HSPG2: variants seen among roughly 807,000 people sequenced by gnomAD.
HSPG2 encodes the protein heparan sulfate proteoglycan 2.
HSPG2 carries 278 observed loss-of-function variants against 526.6 expected under a neutral mutation model. That is an observed-to-expected ratio of 0.53 (90% CI 0.48 to 0.58). The LOEUF is 0.58. Among genes scored for constraint, HSPG2 ranks in the 20% least tolerant of loss-of-function variants. The probability of loss-of-function intolerance (pLI) is 0.00; values close to 1 mark genes in which losing one functional copy is unlikely to be tolerated. For missense variants in HSPG2, 5,354 were observed against 6,099.5 expected, an observed-to-expected ratio of 0.88 and a Z score of 4.07; for synonymous variants, 2,465 against 2,555.4, an observed-to-expected ratio of 0.96 and a Z score of 1.07.
At chr1:21,917,447 A>G (rs1368946071) in intron 1 of HSPG2, among the ~76,000 whole-genome samples, 1 of 97,314 alleles carries the variant, frequency 1.0e-5, no homozygotes. Context: ...GTAAATAAAT[A>G]AATAAATAAA....
intron 40 of HSPG2, 30 bp downstream of exon 40, chr1:21,860,147 G>A (rs549123842): frequency 2.9e-5 from 47 of 1,612,390 alleles, no homozygotes; most frequent in African/African-American, 9.3e-5. Context: ...CTTGCCCATC[G>A]TCCCCATCCT....
intron 81 of HSPG2, among the ~76,000 whole-genome samples, chr1:21,832,113 T>C (rs981283413): frequency 6.6e-6 from 1 of 152,182 alleles, no homozygotes; most frequent in African/African-American, 2.4e-5. Flanking sequence ...GATCACCTTG[T>C]TTCTCTGTTT....
In HSPG2 at chr1:21,827,891, G is replaced by A; in HGVS notation, c.12561C>T (p.Asp4187=). Residue 4187 remains aspartate (D), a synonymous_variant, in exon 91 of 97, where the codon GAC becomes GAT. Transcript: ENST00000374695. ...QGSGHGIAES[D]WHLEGSGGND... is the part of the protein sequence containing the mutation. ...TGCCCCCGCTGCCTTCAAGATGCCA[G>A]TCGGACTCTGCTATGCCATGTCCAG... 2 of 1,595,262 alleles carry A rather than the reference G, an allele frequency of 1.3e-6. No homozygotes were observed. Among genetic ancestry groups the A allele is most frequent in the Non-Finnish European group, 1.7e-6 (2 of 1,171,208 alleles).
At position 21,864,879 on chromosome 1, in the gene HSPG2, G is replaced by A; in HGVS notation, c.4590C>T (p.Cys1530=). ...GACCGATGTAGCCTGGCGGGCAGCGGCACTCCTCCACCTCGAGGGCGCGGG... is the reference window on the plus strand; with the variant it reads ...GACCGATGTAGCCTGGCGGGCAGCGACACTCCTCCACCTCGAGGGCGCGGG... ...NRPRALEVEE[C]RCPPGYIGLS... The change falls in exon 36 of 97, where the codon TGC becomes TGT. Residue 1530 remains cysteine (C), a synonymous_variant. Transcript: ENST00000374695. This position sits in a 1 kb window ranked among gnomAD's most constrained non-coding sequence, Gnocchi z 4.8. 1 of 1,610,670 alleles carries A rather than the reference G, an allele frequency of 6.2e-7. No homozygotes were observed. The highest frequency in any genetic ancestry group is 8.5e-7 in the Non-Finnish European group (1 of 1,179,412).
At chr1:21,879,473 G>A (rs115780347) in intron 17 of HSPG2, among the ~76,000 whole-genome samples, 1 of 152,236 alleles carries the variant, frequency 6.6e-6, no homozygotes, top group African/African-American at 2.4e-5. Context: ...CTTTTCTTCT[G>A]TCAGCTCCAC....
chr1:21,928,810 C>A (rs530555314), intron 1 of HSPG2, among the ~76,000 whole-genome samples: 1 of 151,024 alleles, frequency 6.6e-6, no homozygotes, highest in Non-Finnish European at 1.5e-5. Flanking sequence ...AGTGCAATGG[C>A]GCGATCTCAG....
At position 21,896,322 on chromosome 1, in the gene HSPG2, C is replaced by T. The variant is rs777907037; in HGVS notation, c.64-12G>A. On this transcript the variant is annotated splice_polypyrimidine_tract_variant and intron_variant, in intron 1 of 96. Coordinates refer to ENST00000374695, the MANE Select transcript of HSPG2 (RefSeq NM_005529.7). ...AGCCCATGGGTCACCTGTAAGCAAA[C>T]GAGAGCTGATTGAGTCACTCTCTCC... 2.0e-5 allele frequency: 32 copies of T among 1,611,998 alleles called. No homozygotes were observed. Among genetic ancestry groups the T allele is most frequent in the Admixed American group, 3.3e-5 (2 of 60,026 alleles).
Position 21,839,988 on chromosome 1 carries a change from G to A in HSPG2, c.9543C>T (p.Gly3181=), listed in dbSNP as rs2098042129. 9.3e-6 allele frequency: 15 copies of A among 1,614,210 alleles called. No individual in the cohort carries two copies. The highest frequency in any genetic ancestry group is 1.3e-5 in the Non-Finnish European group (15 of 1,180,034). ...CATTCTGAGCAAGGCACACATAAGT[G>A]CCCGCATCTGATGGTTTAGCTGATG... ...QISSAKPSDA[G]TYVCLAQNAL... The change falls in exon 72 of 97, where the codon GGC becomes GGT. Residue 3181 remains glycine (G), a synonymous_variant. Coordinates refer to ENST00000374695, the MANE Select transcript of HSPG2 (RefSeq NM_005529.7). The surrounding 1 kb of genome is among the most constrained non-coding windows in gnomAD (Gnocchi z 4.5).
chr1:21,915,911 C>T (rs567799359), intron 1 of HSPG2, among the ~76,000 whole-genome samples: 4 of 151,166 alleles, frequency 2.6e-5, no homozygotes, highest in Admixed American at 1.3e-4. Flanking sequence ...ATTAGCTGGG[C>T]GTGGTGGTGT....
chr1:21,913,273 TCAA>T (rs776313975), intron 1 of HSPG2, among the ~76,000 whole-genome samples: 31 of 152,028 alleles, frequency 2.0e-4, no homozygotes, highest in Non-Finnish European at 3.7e-4. Flanking sequence ...GCCCTCAGTC[TCAA>T]CCTCTGGCAC....
chr1:21,907,323 C>T (rs1029163263), intron 1 of HSPG2, among the ~76,000 whole-genome samples: 4 of 152,148 alleles, frequency 2.6e-5, no homozygotes, highest in Admixed American at 6.5e-5. Context: ...TTCAGGGCAG[C>T]GACTGAGAAC....
chr1:21,921,254 C>T (rs1380753833), intron 1 of HSPG2, among the ~76,000 whole-genome samples: 1 of 152,146 alleles, frequency 6.6e-6, no homozygotes, highest in Non-Finnish European at 1.5e-5. Context: ...GCTCAGCTGC[C>T]CCAAAGCCCT....
At chr1:21,907,158 C>T (rs1259340904) in intron 1 of HSPG2, among the ~76,000 whole-genome samples, 1 of 152,170 alleles carries the variant, frequency 6.6e-6, no homozygotes, top group Non-Finnish European at 1.5e-5. Context: ...GCCCAGCACC[C>T]AGTCATTCCT....
In HSPG2 at chr1:21,929,436, C is replaced by T. The variant is rs997214369; in HGVS notation, c.63+7719G>A. ...CTTTTTTTTTTTTAAGAGACAGGAT[C>T]GCGTTCTATCACCCAGGCTGGAGCG... On this transcript the variant is annotated intron_variant, in intron 1 of 96. Transcript: ENST00000374695. Among the ~76,000 whole-genome samples, 3 of 151,656 alleles carry T rather than the reference C, an allele frequency of 2.0e-5. No homozygotes were observed. The South Asian group carries it at 6.3e-4, about 32-fold the overall frequency.
intron 1 of HSPG2, among the ~76,000 whole-genome samples, chr1:21,905,469 C>T (rs1026053061): frequency 1.3e-5 from 2 of 152,224 alleles, no homozygotes; most frequent in African/African-American, 4.8e-5. Context: ...CGCGCATGGT[C>T]GGTGCCTCAC....
At position 21,846,262 on chromosome 1, in the gene HSPG2, A is replaced by G. The variant is rs773039564; in HGVS notation, c.8317-7T>C. The G allele has an allele frequency of 2.8e-5, 45 of 1,612,930 alleles. 1 individual carries two copies. The South Asian group carries it at 4.8e-4, about 17-fold the overall frequency. On this transcript the variant is annotated splice_region_variant and splice_polypyrimidine_tract_variant and intron_variant, in intron 63 of 96. Coordinates refer to ENST00000374695, the MANE Select transcript of HSPG2 (RefSeq NM_005529.7). ...GCAGCCGTGAGCCGCGGGTCTGAAT[A>G]GGGGACAGGACAGAGGAACAGAGTC... is the stretch of plus-strand genomic sequence containing the variant.
At position 21,872,771 on chromosome 1, in the gene HSPG2, G is replaced by A. The variant is rs770221630; in HGVS notation, c.3889-11C>T. The A allele has an allele frequency of 5.6e-6, 9 of 1,606,928 alleles. No homozygotes were observed. The highest frequency in any genetic ancestry group is 4.5e-5 in the East Asian group (2 of 44,574). Reference sequence around the variant, plus strand: ...GCCTTCCACCTGGGCCTGGGTAGACGGATGGAAGGAGGCAGGCAGGGGACT... The same window carrying A: ...GCCTTCCACCTGGGCCTGGGTAGACAGATGGAAGGAGGCAGGCAGGGGACT... On this transcript the variant is annotated splice_polypyrimidine_tract_variant and intron_variant, in intron 31 of 96. Coordinates refer to ENST00000374695, the MANE Select transcript of HSPG2 (RefSeq NM_005529.7). This position sits in a 1 kb window ranked among gnomAD's most constrained non-coding sequence, Gnocchi z 5.5.
intron 13 of HSPG2, 128 bp downstream of exon 13, chr1:21,884,400 G>T: frequency 7.7e-7 from 1 of 1,303,502 alleles, no homozygotes; most frequent in Non-Finnish European, 1.1e-6. Context: ...AGGGCTCAGT[G>T]TTTCTTCAGC....
chr1:21,834,643 C>T (rs375943286), intron 77 of HSPG2, 36 bp downstream of exon 77: 133 of 1,612,504 alleles, frequency 8.2e-5, no homozygotes, highest in Middle Eastern at 5.6e-4. Flanking sequence ...CTGCCCCACT[C>T]ACTGTCCCCC....
Sources: allele counts gnomAD v4.1 joint callset (sites outside exome capture counted in the v4.1 genomes callset), GRCh38; gene constraint gnomAD v4.1.1; non-coding constraint Gnocchi (gnomAD v3.1); transcripts MANE v1.5; gene names NCBI Gene and HGNC (gene_info 2026-07-23, HGNC 2026-07-21).